The following PRIM2 variants were observed in gnomAD, a reference collection of about 807,000 sequenced individuals.
The protein encoded by PRIM2 is DNA primase large subunit.
A neutral mutation model predicts 67.3 loss-of-function variants in PRIM2; 39 were observed. The ratio of observed to expected loss-of-function variants is 0.58; its 90% CI spans 0.45 to 0.76. The LOEUF is 0.76. Among genes scored for constraint, PRIM2 ranks in the 30% least tolerant of loss-of-function variants. The probability of loss-of-function intolerance (pLI) is 0.00; values close to 1 mark genes in which losing one functional copy is unlikely to be tolerated. For synonymous variants in PRIM2, 143 were observed against 198.7 expected, an observed-to-expected ratio of 0.72 and a Z score of 2.36; for missense variants, 398 against 598.7, an observed-to-expected ratio of 0.66 and a Z score of 3.50.
chr6:57,321,870 G>A (rs1302303020), intron 3 of PRIM2, among the ~76,000 whole-genome samples: 1 of 152,082 alleles, frequency 6.6e-6, no homozygotes, highest in East Asian at 1.9e-4. Context: ...CTCATAAGAT[G>A]GTAAATGGTG....
chr6:57,514,565 C>T (rs1774441746), intron 8 of PRIM2, among the ~76,000 whole-genome samples: 1 of 152,166 alleles, frequency 6.6e-6, no homozygotes, highest in South Asian at 2.1e-4. Context: ...TTTTATAGTT[C>T]ACTGATTATA....
At chr6:57,251,872 T>TTCCAATTTTA in the PRIM2 span, among the ~76,000 whole-genome samples, 16 of 152,332 alleles carry the variant, frequency 1.1e-4, no homozygotes, top group Admixed American at 5.9e-4. Context: ...AAAATTCAGC[T>TTCCAATTTTA]GTAAACTTCC....
chr6:57,405,872 T>C (rs1402863769), intron 7 of PRIM2, among the ~76,000 whole-genome samples: 1 of 152,084 alleles, frequency 6.6e-6, no homozygotes, highest in East Asian at 1.9e-4. Flanking sequence ...TATATGCTTA[T>C]TAAAAAATTA....
intron 5 of PRIM2, among the ~76,000 whole-genome samples, chr6:57,365,991 C>T (rs533135052): frequency 4.7e-4 from 68 of 144,614 alleles, no homozygotes; most frequent in African/African-American, 1.7e-3. Context: ...GGAATATAAT[C>T]GTTATGACAC....
At chr6:57,374,612 A>G (rs1769692418) in intron 5 of PRIM2, among the ~76,000 whole-genome samples, 1 of 150,392 alleles carries the variant, frequency 6.6e-6, no homozygotes, top group Admixed American at 6.6e-5. Context: ...ATTTTTTGAG[A>G]CAGAGTCTTG....
At chr6:57,222,989 G>T in the PRIM2 span, among the ~76,000 whole-genome samples, 1 of 152,136 alleles carries the variant, frequency 6.6e-6, no homozygotes, top group African/African-American at 2.4e-5. Context: ...CGGACAGGCA[G>T]GTATCAGAAT....
chr6:57,505,467 A>G (rs1447667664), intron 7 of PRIM2: 2 of 152,210 alleles, frequency 1.3e-5, no homozygotes, highest in African/African-American at 4.8e-5. Flanking sequence ...TGTATAGCCA[A>G]TCATTCTGTG....
chr6:57,490,405 G>C (rs1773862085), intron 7 of PRIM2, among the ~76,000 whole-genome samples: 1 of 152,098 alleles, frequency 6.6e-6, no homozygotes, highest in Non-Finnish European at 1.5e-5. Flanking sequence ...GTAGCTCATA[G>C]CTTGTGTTGA....
rs1777330418 is a variant in PRIM2 at position 57,646,116 on chromosome 6, G to A, written c.1488G>A (p.Met496Ile). ...CCTCTTTAAATTCCTCTCTGGAAATGGATATGGAAGGACTAGAAGATTACT... is the reference window on the plus strand; with the variant it reads ...CCTCTTTAAATTCCTCTCTGGAAATAGATATGGAAGGACTAGAAGATTACT... The part of the protein sequence containing the change: ...ALASLNSSLE[M>I]DMEGLEDYFS... The change falls in exon 14 of 14, where the codon ATG becomes ATA. Residue 496 changes from methionine (M) to isoleucine (I), a missense_variant. By Grantham distance (10) the Met-to-Ile change is conservative. Transcript: ENST00000615550. 8.8e-6 allele frequency: 14 copies of A among 1,593,100 alleles called. No individual in the cohort carries two copies. In the South Asian group the frequency reaches 1.5e-4, roughly 18 times the overall value.
chr6:57,321,278 G>A (rs557054308), intron 3 of PRIM2, among the ~76,000 whole-genome samples: 1 of 152,320 alleles, frequency 6.6e-6, no homozygotes, highest in East Asian at 1.9e-4. Flanking sequence ...GTAATATTTT[G>A]AGATGTGATA....
intron 7 of PRIM2, among the ~76,000 whole-genome samples, chr6:57,449,258 A>G (rs1463547687): frequency 2.0e-5 from 3 of 152,184 alleles, no homozygotes; most frequent in Non-Finnish European, 4.4e-5. Context: ...GCAGAATTTG[A>G]ATCAAAGAAT....
chr6:57,416,322 TGGGTC>T (rs1218301677), intron 7 of PRIM2, among the ~76,000 whole-genome samples: 1 of 152,138 alleles, frequency 6.6e-6, no homozygotes, highest in Non-Finnish European at 1.5e-5. Flanking sequence ...TTCTGAGCAG[TGGGTC>T]TCAACAGTGG....
intron 10 of PRIM2, among the ~76,000 whole-genome samples, chr6:57,565,739 G>C (rs2127479727): frequency 6.6e-6 from 1 of 152,278 alleles, no homozygotes; most frequent in East Asian, 1.9e-4. Context: ...CTGTGATTTA[G>C]TCAAGTTGGC....
chr6:57,377,386 T>C (rs1169951946), intron 5 of PRIM2, among the ~76,000 whole-genome samples: 2 of 152,166 alleles, frequency 1.3e-5, no homozygotes, highest in Admixed American at 1.3e-4. Context: ...TTTCCTGGTG[T>C]GCTTTGTTAC....
chr6:57,411,832 T>C (rs1190120638), intron 7 of PRIM2, among the ~76,000 whole-genome samples: 1 of 150,942 alleles, frequency 6.6e-6, no homozygotes, highest in African/African-American at 2.4e-5. Flanking sequence ...TGTTAATGAG[T>C]TGGGAAGTAT....
intron 13 of PRIM2, among the ~76,000 whole-genome samples, chr6:57,636,480 C>T (rs1282219548): frequency 6.6e-6 from 1 of 152,106 alleles, no homozygotes; most frequent in Non-Finnish European, 1.5e-5. Context: ...ATACACTTCC[C>T]TTAAAAATGA....
chr6:57,479,280 G>C (rs1204666599), intron 7 of PRIM2, among the ~76,000 whole-genome samples: 1 of 152,142 alleles, frequency 6.6e-6, no homozygotes, highest in African/African-American at 2.4e-5. Flanking sequence ...AGCATTAACT[G>C]ACTTTCTTAT....
intron 7 of PRIM2, among the ~76,000 whole-genome samples, chr6:57,451,346 G>A (rs867731949): frequency 6.6e-6 from 1 of 151,946 alleles, no homozygotes. Context: ...TCACTGTGTT[G>A]GCCAGGCTGG....
chr6:57,611,890 C>G (rs1363576144), intron 12 of PRIM2, among the ~76,000 whole-genome samples: 1 of 151,850 alleles, frequency 6.6e-6, no homozygotes, highest in East Asian at 1.9e-4. Flanking sequence ...AAAGAACTCT[C>G]AAAACTCAGT....
Sources: gnomAD v4.1 joint callset for allele counts (sites outside exome capture counted in the v4.1 genomes callset) on GRCh38, gnomAD v4.1.1 for gene constraint, MANE v1.5 for transcripts, NCBI Gene and HGNC (gene_info 2026-07-23, HGNC 2026-07-21) for gene names.